LMF1: variants seen among roughly 807,000 people sequenced by gnomAD.
The protein encoded by LMF1 is lipase maturation factor 1.
LMF1 carries 68 observed loss-of-function variants against 60.6 expected under a neutral mutation model. The ratio of observed to expected loss-of-function variants is 1.12; its 90% CI spans 0.92 to 1.37. LMF1 has a LOEUF of 1.37. Ranked by LOEUF, LMF1 falls within the 40% of genes most tolerant of loss-of-function variation. LMF1 has a pLI of 0.00. For missense variants in LMF1, 948 were observed against 767.2 expected (o/e 1.24, Z -2.78); for synonymous variants, 418 against 324.7 (o/e 1.29, Z -3.09).
At chr16:913,746 A>C (rs1663592023) in intron 3 of LMF1, among the ~76,000 whole-genome samples, 1 of 152,250 alleles carries the variant, frequency 6.6e-6, no homozygotes, top group Admixed American at 6.5e-5. Context: ...ACGCAGCCTC[A>C]TAACTGCCTT....
chr16:976,884 T>G (rs2073162828), intron 1 of LMF1: 1 of 454,102 alleles, frequency 2.2e-6, no homozygotes, highest in Non-Finnish European at 4.4e-6. Flanking sequence ...CAGCGGTCAG[T>G]AGCTACTCCC....
intron 1 of LMF1, chr16:968,244 T>C (rs892852744): frequency 9.9e-5 from 15 of 152,222 alleles, no homozygotes; most frequent in African/African-American, 3.4e-4. Flanking sequence ...GCTTCGAAGC[T>C]TCCCCGACAG....
At position 879,701 on chromosome 16, in the gene LMF1, G is replaced by A. The variant is rs1457785919; in HGVS notation, c.766C>T (p.His256Tyr). Residue 256 changes from histidine (H) to tyrosine (Y), a missense_variant, in exon 6 of 11, where the codon CAC (histidine) becomes TAC (tyrosine). His to Tyr is a moderately conservative substitution (Grantham distance 83, BLOSUM62 2). Coordinates refer to ENST00000262301, the MANE Select transcript of LMF1 (RefSeq NM_022773.4). ...PMPNPVAYYL[H>Y]HSPWWFHRFE... ...CGATGGAACCACCAGGGTGAGTGGTGCAGGTAGTACGCCACAGGATTGGGC... is the reference window on the plus strand; with the variant it reads ...CGATGGAACCACCAGGGTGAGTGGTACAGGTAGTACGCCACAGGATTGGGC... The A allele has an allele frequency of 6.2e-6, 10 of 1,602,378 alleles. No individual in the cohort carries two copies. The highest frequency in any genetic ancestry group is 8.5e-6 in the Non-Finnish European group (10 of 1,174,930).
chr16:939,752 T>G (rs2072045564), intron 2 of LMF1, among the ~76,000 whole-genome samples: 1 of 152,248 alleles, frequency 6.6e-6, no homozygotes. Context: ...TTATTTCCAA[T>G]ATTGTCATAA....
Position 869,630 on chromosome 16 carries a change from G to A in LMF1, c.1416+253C>T, listed in dbSNP as rs953198839. On this transcript the variant is annotated intron_variant, in intron 9 of 10. Coordinates refer to ENST00000262301, the MANE Select transcript of LMF1 (RefSeq NM_022773.4). ...TACAGGGTCTCGCTATGGCACCCGG[G>A]CTGGGATTCCTGGCATGAGACACTA... 1.3e-4 allele frequency: 88 copies of A among 657,016 alleles called. 2 individuals carry two copies. Among genetic ancestry groups the A allele is most frequent in the African/African-American group, 9.1e-4 (51 of 56,348 alleles). The allele number at this position is 657,016 out of a possible 1,614,324, so 40.7% of individuals were successfully genotyped here.
chr16:918,129 T>A (rs2071331473), intron 3 of LMF1, among the ~76,000 whole-genome samples: 1 of 152,244 alleles, frequency 6.6e-6, no homozygotes, highest in African/African-American at 2.4e-5. Flanking sequence ...GGTTAAGGGC[T>A]TTCGTGCTTT....
At chr16:867,732 C>A (rs2069651852) in intron 10 of LMF1, among the ~76,000 whole-genome samples, 1 of 152,146 alleles carries the variant, frequency 6.6e-6, no homozygotes, top group Admixed American at 6.5e-5. Context: ...CCCTGGACTG[C>A]CTGAGGCCGG....
At chr16:908,724 G>A (rs1010659800) in intron 4 of LMF1, among the ~76,000 whole-genome samples, 25 of 152,362 alleles carry the variant, frequency 1.6e-4, no homozygotes, top group East Asian at 7.7e-4. Context: ...GAGCCAGCCC[G>A]CAGGGTTCAC....
intron 6 of LMF1, among the ~76,000 whole-genome samples, chr16:876,028 G>A (rs1485424460): frequency 6.6e-6 from 1 of 152,228 alleles, no homozygotes; most frequent in African/African-American, 2.4e-5. Flanking sequence ...GGGACCCGGG[G>A]CTGGCACAGC....
intron 5 of LMF1, chr16:883,907 T>C (rs974286482): frequency 2.6e-5 from 4 of 152,250 alleles, no homozygotes; most frequent in Non-Finnish European, 4.4e-5. Context: ...TGTTGGTTAG[T>C]AGTGTTTTTC....
chr16:912,137 G>A (rs2071140406), intron 3 of LMF1, among the ~76,000 whole-genome samples: 1 of 152,314 alleles, frequency 6.6e-6, no homozygotes, highest in African/African-American at 2.4e-5. Flanking sequence ...CCGCTGCCCA[G>A]CATGACAACG....
intron 3 of LMF1, among the ~76,000 whole-genome samples, chr16:915,441 A>G (rs1357800635): frequency 6.6e-6 from 1 of 152,090 alleles, no homozygotes; most frequent in East Asian, 1.9e-4. Context: ...TTTCTTTTCT[A>G]TTTATGGGAA....
At chr16:932,420 C>T (rs576605226) in intron 3 of LMF1, among the ~76,000 whole-genome samples, 5 of 152,346 alleles carry the variant, frequency 3.3e-5, no homozygotes, top group East Asian at 1.9e-4. Flanking sequence ...CCCTCTGACC[C>T]GCGCACTGGG....
intron 2 of LMF1, among the ~76,000 whole-genome samples, chr16:945,951 T>A (rs1481386014): frequency 6.6e-6 from 1 of 152,160 alleles, no homozygotes; most frequent in African/African-American, 2.4e-5. Context: ...CCCCCCGGCG[T>A]CCAGCTGCCT....
upstream of LMF1, chr16:971,056 C>G: frequency 6.9e-5 from 92 of 1,340,006 alleles, no homozygotes; most frequent in Non-Finnish European, 8.8e-5. Context: ...CCCGCCTCTC[C>G]CTGGCCGGCC....
At chr16:856,333 C>T (rs2069183430) in intron 10 of LMF1, among the ~76,000 whole-genome samples, 1 of 152,178 alleles carries the variant, frequency 6.6e-6, no homozygotes, top group South Asian at 2.1e-4. Context: ...CCGAGGTCGA[C>T]CTCTGAGCAG....
chr16:871,490 A>G, intron 6 of LMF1, 149 bp from the exon 7 acceptor site: 1 of 768,750 alleles, frequency 1.3e-6, no homozygotes, highest in Non-Finnish European at 2.1e-6. Context: ...CACAACTGAA[A>G]CCCAGCTGTG....
At position 870,635 on chromosome 16, in the gene LMF1, G is replaced by A. The variant is rs529227106; in HGVS notation, c.1232+94C>T. ...GGGGCAGGGGACACTTGGGGTCATG[G>A]GGGCCTGCACTGTAACCCCACCTGA... On this transcript the variant is annotated intron_variant, in intron 8 of 10. Transcript: ENST00000262301. 7 of 1,433,142 alleles carry A rather than the reference G, an allele frequency of 4.9e-6. No homozygotes were observed. The African/African-American group carries it at 7.0e-5, about 14-fold the overall frequency. 88.8% of individuals were successfully genotyped at this position (1,433,142 alleles called of 1,614,324 possible).
At chr16:979,054 C>T (rs1191860592) in intron 1 of LMF1, 3 of 453,888 alleles carry the variant, frequency 6.6e-6, no homozygotes, top group African/African-American at 2.0e-5. Flanking sequence ...ACAAGGCCAG[C>T]GTCTGCAGGG....
Sources: gnomAD v4.1 joint callset for allele counts (sites outside exome capture counted in the v4.1 genomes callset) on GRCh38, gnomAD v4.1.1 for gene constraint, MANE v1.5 for transcripts, NCBI Gene and HGNC (gene_info 2026-07-23, HGNC 2026-07-21) for gene names.